The following GPR19 variants were observed in gnomAD, a reference collection of about 807,000 sequenced individuals.
GPR19 encodes probable G protein-coupled receptor 19.
In GPR19, 14 loss-of-function variants were observed where a neutral mutation model predicts 28.5. The observed-to-expected ratio is 0.49, with a 90% CI of 0.32 to 0.77. The LOEUF (loss-of-function observed/expected upper bound fraction) is 0.77, where lower values mean the gene tolerates loss of function less well. Among genes scored for constraint, GPR19 ranks in the 30% least tolerant of loss-of-function variants. GPR19 has a pLI of 0.03. For missense variants in GPR19, 409 were observed against 504.1 expected (o/e 0.81, Z 1.81); for synonymous variants, 173 against 184.1 (o/e 0.94, Z 0.49).
chr12:12,707,884 C>T, the GPR19 span, among the ~76,000 whole-genome samples: 1 of 150,840 alleles, frequency 6.6e-6, no homozygotes, highest in African/African-American at 2.4e-5. Context: ...GCGCCGAGCC[C>T]AAATTCTGTA....
At chr12:12,680,694 CTTTTTT>C (rs113142716) in intron 3 of GPR19, among the ~76,000 whole-genome samples, 7 of 139,660 alleles carry the variant, frequency 5.0e-5, no homozygotes, top group Non-Finnish European at 1.1e-4. Context: ...CTCCCTATGA[CTTTTTT>C]TTTTTTGAGA....
the GPR19 span, among the ~76,000 whole-genome samples, chr12:12,706,724 T>C: frequency 6.6e-6 from 1 of 152,196 alleles, no homozygotes. Flanking sequence ...ACACAGACCA[T>C]TTCCAAATCT....
At chr12:12,690,042 C>T (rs1439389442) in intron 2 of GPR19, among the ~76,000 whole-genome samples, 1 of 152,204 alleles carries the variant, frequency 6.6e-6, no homozygotes. Flanking sequence ...GCCAGATGGC[C>T]TAGTTAAGCT....
At chr12:12,699,894 T>C (rs1268768156), upstream of GPR19, among the ~76,000 whole-genome samples, 1 of 152,192 alleles carries the variant, frequency 6.6e-6, no homozygotes, top group Non-Finnish European at 1.5e-5. Context: ...AGTCACAAGA[T>C]AGCTGCCGCA....
intron 3 of GPR19, among the ~76,000 whole-genome samples, chr12:12,680,299 T>C (rs1945999013): frequency 6.6e-6 from 1 of 152,244 alleles, no homozygotes; most frequent in African/African-American, 2.4e-5. Flanking sequence ...AGTTAATCTC[T>C]TTGAGCTTCA....
chr12:12,674,056 A>G (rs1454378260), intron 3 of GPR19, among the ~76,000 whole-genome samples: 1 of 151,880 alleles, frequency 6.6e-6, no homozygotes, highest in Non-Finnish European at 1.5e-5. Context: ...TACTAAATAT[A>G]TAAAAATTAG....
At chr12:12,694,448 C>T (rs1946234041) in intron 2 of GPR19, among the ~76,000 whole-genome samples, 1 of 151,366 alleles carries the variant, frequency 6.6e-6, no homozygotes, top group Non-Finnish European at 1.5e-5. Flanking sequence ...CGTTGTGATC[C>T]GACCGCCTCA....
chr12:12,675,651 C>T (rs1294850041), intron 3 of GPR19, among the ~76,000 whole-genome samples: 1 of 152,116 alleles, frequency 6.6e-6, no homozygotes, highest in East Asian at 1.9e-4. Flanking sequence ...AAAGAATTGA[C>T]ATGCTATTGC....
At chr12:12,668,800 A>T (rs74061740) in intron 3 of GPR19, among the ~76,000 whole-genome samples, 2,749 of 152,324 alleles carry the variant, frequency 0.018, 84 homozygotes, top group African/African-American at 0.063. Context: ...TATAGCATTA[A>T]TACTACCAAG....
chr12:12,710,279 G>C, the GPR19 span, among the ~76,000 whole-genome samples: 2 of 151,764 alleles, frequency 1.3e-5, no homozygotes, highest in African/African-American at 4.8e-5. Context: ...TTTGAACCTG[G>C]GAGGTGGAGG....
chr12:12,684,431 T>C lies in GPR19; in HGVS notation c.-103A>G, dbSNP rs1946065055. 1 of 152,274 alleles carries C rather than the reference T, an allele frequency of 6.6e-6. No individual in the cohort carries two copies. The highest frequency in any genetic ancestry group is 1.5e-5 in the Non-Finnish European group (1 of 68,074). 9.4% of individuals were successfully genotyped at this position (152,274 alleles called of 1,614,324 possible). A position where few individuals can be genotyped will look rare whatever the true frequency, so the allele number is the denominator to read the frequency against. ...AGCCCTTGCATAGGAGTTTGGAGAA[T>C]GCCATAAACCACCAGGAAAGCCTGG... is the stretch of plus-strand genomic sequence containing the variant. On this transcript the variant is annotated 5_prime_UTR_variant, in exon 3 of 4. Coordinates refer to ENST00000651487, the MANE Select transcript of GPR19 (RefSeq NM_006143.3).
chr12:12,716,611 TTG>T, the GPR19 span: 3 of 180,924 alleles, frequency 1.7e-5, no homozygotes, highest in Admixed American at 7.8e-4. Flanking sequence ...CTAGAGTTTT[TTG>T]TTTTTTTTTT....
chr12:12,674,001 C>A (rs1311589167), intron 3 of GPR19, among the ~76,000 whole-genome samples: 1 of 151,866 alleles, frequency 6.6e-6, no homozygotes, highest in African/African-American at 2.4e-5. Context: ...CACTTGAGGT[C>A]AGGAGTTCGA....
chr12:12,680,270 T>G (rs771880948), intron 3 of GPR19, among the ~76,000 whole-genome samples: 5 of 152,258 alleles, frequency 3.3e-5, no homozygotes, highest in Non-Finnish European at 7.3e-5. Flanking sequence ...ACCTGCCGTC[T>G]GTGGACATTG....
chr12:12,709,717 G>A, the GPR19 span, among the ~76,000 whole-genome samples: 1 of 152,190 alleles, frequency 6.6e-6, no homozygotes, highest in Non-Finnish European at 1.5e-5. Flanking sequence ...GGGATTATGG[G>A]CATGAGCCAC....
chr12:12,716,847 C>T, the GPR19 span: 3 of 982,446 alleles, frequency 3.1e-6, no homozygotes, highest in Non-Finnish European at 3.6e-6. Context: ...CGGGGGGGCG[C>T]CCAGCCCCCC....
intron 3 of GPR19, among the ~76,000 whole-genome samples, chr12:12,667,135 C>G (rs147131737): frequency 6.6e-6 from 1 of 152,290 alleles, no homozygotes; most frequent in African/African-American, 2.4e-5. Flanking sequence ...TAATTCTGTT[C>G]AGAGCCATCC....
chr12:12,717,236 C>G, the GPR19 span: 1 of 1,052,720 alleles, frequency 9.5e-7, no homozygotes, highest in Non-Finnish European at 1.1e-6. Flanking sequence ...CGCTCGGGAA[C>G]GAGGGGAGGT....
intron 3 of GPR19, among the ~76,000 whole-genome samples, chr12:12,664,919 C>CAAAAAAAAAA (rs746346681): frequency 1.3e-4 from 4 of 31,112 alleles, no homozygotes; most frequent in African/African-American, 3.7e-4. Flanking sequence ...GACGCCATCT[C>CAAAAAAAAAA]AAAAAAAAAA....
Sources: gnomAD v4.1 joint callset for allele counts (sites outside exome capture counted in the v4.1 genomes callset) on GRCh38, gnomAD v4.1.1 for gene constraint, MANE v1.5 for transcripts, NCBI Gene and HGNC (gene_info 2026-07-23, HGNC 2026-07-21) for gene names.